Variants in CTDSPL observed in about 807,000 individuals in gnomAD.
CTDSPL encodes CTD small phosphatase like, also known as CTD small phosphatase-like protein.
In CTDSPL, 8 loss-of-function variants were observed where a neutral mutation model predicts 30.5. That is an observed-to-expected ratio of 0.26 (90% confidence interval 0.15 to 0.47). The LOEUF (loss-of-function observed/expected upper bound fraction) is 0.47. Among genes scored for constraint, CTDSPL ranks in the 20% least tolerant of loss-of-function variants. The pLI is 0.99. For synonymous variants in CTDSPL, 110 were observed against 137.9 expected (o/e 0.80, Z 1.42); for missense variants, 248 against 366.1 (o/e 0.68, Z 2.63).
At chr3:37,954,128 A>T (rs2125625783) in intron 2 of CTDSPL, among the ~76,000 whole-genome samples, 1 of 152,334 alleles carries the variant, frequency 6.6e-6, no homozygotes, top group South Asian at 2.1e-4. Flanking sequence ...AGATGAAATG[A>T]TATGAGGAAA....
chr3:37,911,808 C>T lies in CTDSPL; in HGVS notation c.80-35249C>T, dbSNP rs561535483. Reference sequence around the variant, plus strand: ...GCGCGGTGGTTCACGCCTATAATCCCAGCACTTTGGGAGGCCAAGGTGGGT... The same window carrying T: ...GCGCGGTGGTTCACGCCTATAATCCTAGCACTTTGGGAGGCCAAGGTGGGT... On this transcript the variant is annotated intron_variant, in intron 1 of 7. Transcript: ENST00000273179. The T allele has an allele frequency of 2.8e-4, 124 of 437,022 alleles. 1 individual carries two copies. Among genetic ancestry groups the T allele is most frequent in the African/African-American group, 2.2e-3 (111 of 49,670 alleles). 27.1% of individuals were successfully genotyped at this position (437,022 alleles called of 1,614,324 possible).
chr3:37,886,550 G>A (rs953907645), intron 1 of CTDSPL, among the ~76,000 whole-genome samples: 3 of 152,214 alleles, frequency 2.0e-5, no homozygotes, highest in African/African-American at 7.2e-5. Flanking sequence ...AGCACAGGAT[G>A]TAGAGCTGAG....
rs74600050 is a variant in CTDSPL, at chr3:37,927,264, G to T, written c.80-19793G>T. Among the ~76,000 whole-genome samples the T allele has an allele frequency of 4.3e-4, 65 of 152,200 alleles. No individual in the cohort carries two copies. In the East Asian group the frequency reaches 0.012, roughly 28 times the overall value. On this transcript the variant is annotated intron_variant, in intron 1 of 7. Coordinates refer to ENST00000273179, the MANE Select transcript of CTDSPL (RefSeq NM_001008392.2). The stretch of plus-strand genomic sequence containing the variant: ...GGTATATGAAAAGGTGCTCAAAGAT[G>T]GTGGGTCAAAGTCAAAACTTTGTTT...
intron 1 of CTDSPL, among the ~76,000 whole-genome samples, chr3:37,910,936 G>T (rs531223665): frequency 4.2e-4 from 64 of 152,314 alleles, no homozygotes; most frequent in African/African-American, 1.5e-3. Context: ...TGGTTCCAAG[G>T]TTGAGGCTTC....
chr3:37,960,533 TATACACAC>T (rs1402368534), intron 3 of CTDSPL, among the ~76,000 whole-genome samples: 27 of 33,566 alleles, frequency 8.0e-4, no homozygotes, highest in African/African-American at 1.4e-3. Flanking sequence ...TATATATATA[TATACACAC>T]ACACACACAC....
At position 37,964,684 on chromosome 3, in the gene CTDSPL, TAA is replaced by T; in HGVS notation, c.369+21_369+22del. On this transcript the variant is annotated intron_variant, in intron 4 of 7. Transcript: ENST00000273179. ...ACAGTTCGTTTAAGGTAAATCAACATAAAAAAAAAATCCATGATCTTTGTGAT... is the reference window on the plus strand; with the variant it reads ...ACAGTTCGTTTAAGGTAAATCAACATAAAAAAAATCCATGATCTTTGTGAT... The T allele has an allele frequency of 6.8e-7, 1 of 1,467,690 alleles. No homozygotes were observed. The highest frequency in any genetic ancestry group is 9.3e-7 in the Non-Finnish European group (1 of 1,076,648). The allele number at this position is 1,467,690 out of a possible 1,614,324, so 90.9% of individuals were successfully genotyped here. A position where few individuals can be genotyped will look rare whatever the true frequency, so the allele number is the denominator to read the frequency against.
chr3:37,958,732 C>T (rs980081759), intron 3 of CTDSPL, among the ~76,000 whole-genome samples: 2 of 152,204 alleles, frequency 1.3e-5, no homozygotes, highest in African/African-American at 4.8e-5. Context: ...CTGTGTCCTA[C>T]ATGTGAGATG....
At chr3:37,902,694 C>A (rs759029083) in intron 1 of CTDSPL, among the ~76,000 whole-genome samples, 2 of 152,122 alleles carry the variant, frequency 1.3e-5, no homozygotes, top group African/African-American at 2.4e-5. Context: ...TCAAACCCCC[C>A]ACAAGGAGGC....
intron 1 of CTDSPL, among the ~76,000 whole-genome samples, chr3:37,872,572 CTTTTTTTTTTTT>C (rs1294021036): frequency 1.7e-4 from 9 of 54,262 alleles, no homozygotes; most frequent in Non-Finnish European, 2.9e-4. Flanking sequence ...ATTCTTTTAT[CTTTTTTTTTTTT>C]TTTTTTTTTT....
Position 37,862,583 on chromosome 3 carries a change from CAG to C in CTDSPL, c.79+308_79+309del, listed in dbSNP as rs1440450378. 2.6e-5 allele frequency among the ~76,000 whole-genome samples: 4 copies of C among 152,128 alleles called. No individual in the cohort carries two copies. The highest frequency in any genetic ancestry group is 9.7e-5 in the African/African-American group (4 of 41,432). Reference sequence around the variant, plus strand: ...TGTGAGCCTGTGTGTGCACCTAACACAGAGGTTCTAAGTGTGTGCACTTGTAT... The same window carrying C: ...TGTGAGCCTGTGTGTGCACCTAACACAGGTTCTAAGTGTGTGCACTTGTAT... On this transcript the variant is annotated intron_variant, in intron 1 of 7. Transcript: ENST00000273179. The surrounding 1 kb of genome is among the most constrained non-coding windows in gnomAD (Gnocchi z 4.3).
In CTDSPL at chr3:37,921,747, A is replaced by G. The variant is rs557828368; in HGVS notation, c.80-25310A>G. 2.0e-5 allele frequency among the ~76,000 whole-genome samples: 3 copies of G among 152,240 alleles called. No homozygotes were observed. The South Asian group carries it at 6.2e-4, about 32-fold the overall frequency. On this transcript the variant is annotated intron_variant, in intron 1 of 7. Transcript: ENST00000273179. ...CATCCCTGTGGTAAGGGGCCAGACC[A>G]CCTGTAAGGAAGTGGTGTTCCCACT...
intron 1 of CTDSPL, among the ~76,000 whole-genome samples, chr3:37,913,280 A>C (rs2125606862): frequency 6.6e-6 from 1 of 152,276 alleles, no homozygotes; most frequent in South Asian, 2.1e-4. Context: ...AGATTGTGCC[A>C]CTGCACTCCA....
rs370484927 is a variant in CTDSPL, at chr3:37,893,634, T to A, written c.79+31356T>A. Among the ~76,000 whole-genome samples, 200 of 152,354 alleles carry A rather than the reference T, an allele frequency of 1.3e-3. 1 individual carries two copies. The highest frequency in any genetic ancestry group is 4.6e-3 in the African/African-American group (191 of 41,576). On this transcript the variant is annotated intron_variant, in intron 1 of 7. Coordinates refer to ENST00000273179, the MANE Select transcript of CTDSPL (RefSeq NM_001008392.2). Reference sequence around the variant, plus strand: ...AGGTGGTTAGCAGGTGGTTGTTTAGTGGTCAGTTCTACATTCTTTCTCTAG... The same window carrying A: ...AGGTGGTTAGCAGGTGGTTGTTTAGAGGTCAGTTCTACATTCTTTCTCTAG...
chr3:37,970,721 A>C (rs1699357245), intron 5 of CTDSPL, among the ~76,000 whole-genome samples: 1 of 152,188 alleles, frequency 6.6e-6, no homozygotes, highest in African/African-American at 2.4e-5. Context: ...GCCATTCTAG[A>C]AAAGGCTACT....
At chr3:37,893,986 G>C (rs1559626608) in intron 1 of CTDSPL, among the ~76,000 whole-genome samples, 2 of 152,124 alleles carry the variant, frequency 1.3e-5, no homozygotes, top group Non-Finnish European at 2.9e-5. Context: ...AAAAAGTTTT[G>C]ACTAAAAGAT....
chr3:37,967,776 A>T lies in CTDSPL; in HGVS notation c.370-50A>T, dbSNP rs759399115. 8.0e-6 allele frequency: 11 copies of T among 1,374,080 alleles called. No homozygotes were observed. In the East Asian group the frequency reaches 2.6e-4, roughly 32 times the overall value. 85.1% of individuals were successfully genotyped at this position (1,374,080 alleles called of 1,614,324 possible). A position where few individuals can be genotyped will look rare whatever the true frequency, so the allele number is the denominator to read the frequency against. On this transcript the variant is annotated intron_variant, in intron 4 of 7. Transcript: ENST00000273179. ...GCTTTTTTCTTGCTAAAATTTCCAG[A>T]GTTTTTTTGTTCCTTCAGACATATT...
chr3:37,878,021 C>G (rs962376411), intron 1 of CTDSPL, among the ~76,000 whole-genome samples: 1 of 152,166 alleles, frequency 6.6e-6, no homozygotes, highest in Admixed American at 6.5e-5. Flanking sequence ...CACCTCCATA[C>G]TGTTTTCCAC....
intron 1 of CTDSPL, among the ~76,000 whole-genome samples, chr3:37,908,841 A>G (rs182273157): frequency 6.6e-6 from 1 of 152,096 alleles, no homozygotes; most frequent in Non-Finnish European, 1.5e-5. Context: ...TTATTTTTGC[A>G]TTTCTTTGAT....
intron 1 of CTDSPL, among the ~76,000 whole-genome samples, chr3:37,886,634 A>G (rs1698266478): frequency 6.6e-6 from 1 of 152,210 alleles, no homozygotes; most frequent in Non-Finnish European, 1.5e-5. Flanking sequence ...CCCAAAGTCA[A>G]CCAGCAATCC....
Sources: gnomAD v4.1 joint callset for allele counts (sites outside exome capture counted in the v4.1 genomes callset) on GRCh38, gnomAD v4.1.1 for gene constraint, Gnocchi (gnomAD v3.1) non-coding constraint, MANE v1.5 for transcripts, NCBI Gene and HGNC (gene_info 2026-07-23, HGNC 2026-07-21) for gene names.